APBA2: variants seen among roughly 807,000 people sequenced by gnomAD.
APBA2 encodes the protein amyloid beta precursor protein binding family A member 2.
In APBA2, 30 loss-of-function variants were observed where a neutral mutation model predicts 75.0. The ratio of observed to expected loss-of-function variants is 0.40; its 90% CI spans 0.30 to 0.54. APBA2 has a LOEUF of 0.54. APBA2 is among the 20% of genes least tolerant of loss of function. The pLI is 0.49. For synonymous variants in APBA2, 444 were observed against 409.6 expected, an observed-to-expected ratio of 1.08 and a Z score of -1.01; for missense variants, 801 against 1,016.1, an observed-to-expected ratio of 0.79 and a Z score of 2.88.
chr15:29,055,337 C>T (rs1463303188), intron 4 of APBA2, among the ~76,000 whole-genome samples: 1 of 152,168 alleles, frequency 6.6e-6, no homozygotes, highest in Non-Finnish European at 1.5e-5. Context: ...AGCCCGGGGG[C>T]CTTGGCCTGA....
chr15:28,937,276 G>A (rs1233564425), intron 2 of APBA2, among the ~76,000 whole-genome samples: 2 of 152,196 alleles, frequency 1.3e-5, no homozygotes, highest in South Asian at 2.1e-4. Flanking sequence ...TGGGCCGGGG[G>A]TGCTTTGCTC....
chr15:29,032,790 T>C (rs1410791906), intron 3 of APBA2, among the ~76,000 whole-genome samples: 9 of 152,182 alleles, frequency 5.9e-5, no homozygotes, highest in Admixed American at 2.6e-4. Context: ...TTTCATCTCA[T>C]TGGGTTCTGT....
At chr15:29,055,542 AAAG>A (rs1566954234) in intron 4 of APBA2, among the ~76,000 whole-genome samples, 2 of 152,230 alleles carry the variant, frequency 1.3e-5, no homozygotes, top group African/African-American at 4.8e-5. Context: ...GTGAGTATAT[AAAG>A]AAGATGTGAT....
chr15:29,027,414 T>A (rs1307517132), intron 3 of APBA2, among the ~76,000 whole-genome samples: 1 of 152,168 alleles, frequency 6.6e-6, no homozygotes, highest in Non-Finnish European at 1.5e-5. Context: ...GCAAATTCAT[T>A]GGCATAAAGT....
intron 3 of APBA2, among the ~76,000 whole-genome samples, chr15:29,018,381 C>T (rs568169010): frequency 2.0e-4 from 30 of 152,314 alleles, no homozygotes; most frequent in African/African-American, 7.0e-4. Context: ...GATTCTTTTT[C>T]TGTACCTCTG....
At chr15:28,936,578 G>A (rs1033067990) in intron 2 of APBA2, among the ~76,000 whole-genome samples, 2 of 152,198 alleles carry the variant, frequency 1.3e-5, no homozygotes, top group East Asian at 1.9e-4. Flanking sequence ...CGTTAGGCAC[G>A]TGCTGGGTGC....
At chr15:29,036,955 G>A (rs1040953324) in intron 3 of APBA2, among the ~76,000 whole-genome samples, 3 of 151,902 alleles carry the variant, frequency 2.0e-5, no homozygotes, top group African/African-American at 7.3e-5. Context: ...GGGAGGTGGA[G>A]GTTGCAGTGA....
At chr15:28,939,640 G>T (rs575267759) in intron 2 of APBA2, among the ~76,000 whole-genome samples, 1 of 152,208 alleles carries the variant, frequency 6.6e-6, no homozygotes, top group Non-Finnish European at 1.5e-5. Flanking sequence ...CTCACGAGAC[G>T]TCTTTCAGAG....
intron 2 of APBA2, among the ~76,000 whole-genome samples, chr15:28,968,547 C>T (rs1377470581): frequency 3.9e-5 from 6 of 152,120 alleles, no homozygotes; most frequent in Non-Finnish European, 7.4e-5. Context: ...GACTTGGTTC[C>T]GTCTCTTTCG....
chr15:28,958,927 T>A (rs2152734331), intron 2 of APBA2, among the ~76,000 whole-genome samples: 1 of 152,294 alleles, frequency 6.6e-6, no homozygotes, highest in Non-Finnish European at 1.5e-5. Flanking sequence ...CAGTAACTAT[T>A]CATTAAACAA....
rs1010279764 is a variant in APBA2 at position 28,903,077 on chromosome 15, C to T, written c.-205+16799C>T. Among the ~76,000 whole-genome samples, 23 of 152,218 alleles carry T rather than the reference C, an allele frequency of 1.5e-4. 1 individual carries two copies. Among genetic ancestry groups the T allele is most frequent in the African/African-American group, 3.9e-4 (16 of 41,450 alleles). On this transcript the variant is annotated intron_variant, in intron 1 of 14. Transcript: ENST00000683413. ...AAAACATCAAAGCCTGGTTTGCTGACGTCCTGTGGCCCAGTTCACTTTCTG... is the reference window on the plus strand; with the variant it reads ...AAAACATCAAAGCCTGGTTTGCTGATGTCCTGTGGCCCAGTTCACTTTCTG...
chr15:28,946,991 C>A (rs2035584446), intron 2 of APBA2, among the ~76,000 whole-genome samples: 1 of 152,216 alleles, frequency 6.6e-6, no homozygotes, highest in Non-Finnish European at 1.5e-5. Flanking sequence ...CACAGAGACT[C>A]AGGGACCAAG....
chr15:28,961,616 T>G (rs941431050), intron 2 of APBA2: 6 of 152,034 alleles, frequency 3.9e-5, no homozygotes, highest in African/African-American at 1.5e-4. Flanking sequence ...GGACTCCTGG[T>G]GGAGGAACAG....
intron 2 of APBA2, among the ~76,000 whole-genome samples, chr15:28,992,002 G>A (rs1054927990): frequency 2.0e-5 from 3 of 152,104 alleles, no homozygotes; most frequent in African/African-American, 4.8e-5. Flanking sequence ...GTGCCTTCCC[G>A]GGACAGCTTC....
intron 11 of APBA2, among the ~76,000 whole-genome samples, chr15:29,106,194 C>T (rs535285284): frequency 1.6e-4 from 24 of 152,142 alleles, no homozygotes; most frequent in African/African-American, 5.3e-4. Flanking sequence ...GAGTGAAGGC[C>T]GGGGGCAGGA....
At chr15:29,055,982 G>A (rs901504751) in intron 4 of APBA2, among the ~76,000 whole-genome samples, 5 of 152,122 alleles carry the variant, frequency 3.3e-5, no homozygotes, top group African/African-American at 1.2e-4. Flanking sequence ...CCTGGGTCTG[G>A]GCTTTAGGCC....
intron 3 of APBA2, among the ~76,000 whole-genome samples, chr15:29,045,773 C>T (rs1303542892): frequency 6.6e-6 from 1 of 152,164 alleles, no homozygotes; most frequent in African/African-American, 2.4e-5. Context: ...GCATCCATTC[C>T]TCTCTATATT....
chr15:28,959,741 C>T (rs970026508), intron 2 of APBA2, among the ~76,000 whole-genome samples: 2 of 152,182 alleles, frequency 1.3e-5, no homozygotes, highest in Non-Finnish European at 2.9e-5. Flanking sequence ...GGACTGCTCC[C>T]GAAGTTCAGG....
At chr15:28,896,159 G>A (rs532586879) in intron 1 of APBA2, among the ~76,000 whole-genome samples, 1 of 152,164 alleles carries the variant, frequency 6.6e-6, no homozygotes, top group African/African-American at 2.4e-5. Context: ...TGATGCGGGG[G>A]TTGGGGGTGG....
Sources: gnomAD v4.1 joint callset for allele counts (sites outside exome capture counted in the v4.1 genomes callset) on GRCh38, gnomAD v4.1.1 for gene constraint, MANE v1.5 for transcripts, NCBI Gene and HGNC (gene_info 2026-07-23, HGNC 2026-07-21) for gene names.